Variants in CCDC141 observed in about 807,000 individuals in gnomAD.
CCDC141 encodes coiled-coil domain-containing protein 141.
CCDC141 carries 168 observed loss-of-function variants against 181.0 expected under a neutral mutation model. The ratio of observed to expected loss-of-function variants is 0.93; its 90% CI spans 0.82 to 1.05. CCDC141 has a LOEUF of 1.05. CCDC141 is among the 50% of genes least tolerant of loss of function. CCDC141 has a pLI of 0.00. For missense variants in CCDC141, 1,902 were observed against 1,788.5 expected (o/e 1.06, Z -1.14); for synonymous variants, 666 against 642.3 (o/e 1.04, Z -0.56).
At chr2:178,888,420 C>G in intron 9 of CCDC141, 107 bp downstream of exon 9, 1 of 958,950 alleles carries the variant, frequency 1.0e-6, no homozygotes, top group Non-Finnish European at 1.6e-6. Context: ...TACATAAGGG[C>G]AGCCTAAGGA....
At chr2:178,969,836 T>A (rs1363220352) in intron 4 of CCDC141, among the ~76,000 whole-genome samples, 1 of 152,226 alleles carries the variant, frequency 6.6e-6, no homozygotes, top group Non-Finnish European at 1.5e-5. Flanking sequence ...AGTCAAATTG[T>A]CTCTGTTTGC....
At chr2:179,013,068 C>A (rs953559912) in intron 2 of CCDC141, among the ~76,000 whole-genome samples, 1 of 152,074 alleles carries the variant, frequency 6.6e-6, no homozygotes, top group African/African-American at 2.4e-5. Context: ...GACAAAAATG[C>A]CCATTCTCAC....
At chr2:178,998,780 T>C (rs2154383128) in intron 2 of CCDC141, among the ~76,000 whole-genome samples, 1 of 152,276 alleles carries the variant, frequency 6.6e-6, no homozygotes, top group Non-Finnish European at 1.5e-5. Context: ...TCACGGTCTT[T>C]GATGTCTTCT....
At chr2:178,908,277 C>G (rs189485674) in intron 7 of CCDC141, among the ~76,000 whole-genome samples, 1,717 of 152,302 alleles carry the variant, frequency 0.011, 35 homozygotes, top group African/African-American at 0.039. Flanking sequence ...TCACTGCAAC[C>G]TCCGCCTCCT....
chr2:179,049,443 C>T (rs1475061958), intron 1 of CCDC141, among the ~76,000 whole-genome samples: 2 of 152,134 alleles, frequency 1.3e-5, no homozygotes, highest in Admixed American at 6.6e-5. Flanking sequence ...CCATCACATC[C>T]ACTCTCAAAA....
intron 17 of CCDC141, among the ~76,000 whole-genome samples, chr2:178,860,543 CTTTT>C (rs71023458): frequency 5.8e-5 from 3 of 51,354 alleles, no homozygotes; most frequent in African/African-American, 2.5e-4. Context: ...AAAAACAACA[CTTTT>C]TTTTTTTTTT....
intron 2 of CCDC141, 113 bp from the exon 3 acceptor site, chr2:178,978,788 T>A: frequency 1.3e-6 from 1 of 778,246 alleles, no homozygotes. Context: ...GAAACAGAAT[T>A]TATAAACACA....
intron 9 of CCDC141, 60 bp downstream of exon 9, chr2:178,888,467 C>T (rs914049863): frequency 9.4e-6 from 14 of 1,481,752 alleles, no homozygotes; most frequent in African/African-American, 1.4e-5. Flanking sequence ...CCACATACTG[C>T]CCTACCATAT....
At chr2:178,857,911 CA>C (rs1685454373) in intron 17 of CCDC141, among the ~76,000 whole-genome samples, 1 of 152,138 alleles carries the variant, frequency 6.6e-6, no homozygotes, top group African/African-American at 2.4e-5. Flanking sequence ...ATGCTTATTT[CA>C]AATTCTGCAG....
chr2:179,040,734 A>C (rs991974210), intron 2 of CCDC141, among the ~76,000 whole-genome samples: 1 of 152,230 alleles, frequency 6.6e-6, no homozygotes. Flanking sequence ...TTATGGCTAC[A>C]TCATATTCCA....
downstream of CCDC141, among the ~76,000 whole-genome samples, chr2:178,828,444 A>G (rs927676593): frequency 6.6e-6 from 1 of 152,162 alleles, no homozygotes. Context: ...AAGCATTCTT[A>G]TTTAATCTAC....
intron 2 of CCDC141, among the ~76,000 whole-genome samples, chr2:179,010,782 G>A (rs755102233): frequency 6.6e-6 from 1 of 152,036 alleles, no homozygotes; most frequent in Non-Finnish European, 1.5e-5. Context: ...AAGTACACAG[G>A]CAACAAAGAG....
intron 7 of CCDC141, among the ~76,000 whole-genome samples, chr2:178,908,269 A>T (rs1380352195): frequency 1.3e-5 from 2 of 152,100 alleles, no homozygotes; most frequent in Non-Finnish European, 2.9e-5. Context: ...ATCTCAGCTC[A>T]CTGCAACCTC....
intron 2 of CCDC141, among the ~76,000 whole-genome samples, chr2:178,986,794 A>T (rs943259617): frequency 6.6e-6 from 1 of 151,884 alleles, no homozygotes; most frequent in Non-Finnish European, 1.5e-5. Flanking sequence ...AGAACTACAA[A>T]CCGCTGCTCA....
chr2:178,909,550 T>C (rs1688129666), intron 7 of CCDC141, among the ~76,000 whole-genome samples: 1 of 152,236 alleles, frequency 6.6e-6, no homozygotes, highest in South Asian at 2.1e-4. Flanking sequence ...AAGACTGTAC[T>C]GTCTGTGATT....
At position 178,865,903 on chromosome 2, in the gene CCDC141, ACATT is replaced by A. The variant is rs1685831556; in HGVS notation, c.2584_2587del (p.Asn862PhefsTer18). On this transcript the variant is annotated frameshift_variant, in exon 17 of 24. Coordinates refer to ENST00000443758, the MANE Select transcript of CCDC141 (RefSeq NM_173648.4). LOFTEE classifies it high-confidence loss of function. ...CTGCTGCTGTAGGTTCTTTGCAGAA[ACATT>A]AGAGCAGTGCTAAAAGAGACAAATG... 4 of 1,582,908 alleles carry A rather than the reference ACATT, an allele frequency of 2.5e-6. No individual in the cohort carries two copies. The highest frequency in any genetic ancestry group is 3.4e-6 in the Non-Finnish European group (4 of 1,165,402).
intron 2 of CCDC141, among the ~76,000 whole-genome samples, chr2:179,036,744 CCTT>C (rs1269555434): frequency 6.6e-6 from 1 of 152,212 alleles, no homozygotes; most frequent in African/African-American, 2.4e-5. Flanking sequence ...GTTCCAGTCA[CCTT>C]CTTCAAAATG....
At chr2:178,855,682 T>C (rs972159881) in intron 18 of CCDC141, 141 bp from the exon 19 acceptor site, 7 of 543,704 alleles carry the variant, frequency 1.3e-5, no homozygotes, top group African/African-American at 4.0e-5. Flanking sequence ...AAATATATTA[T>C]GGTAAGAATG....
chr2:178,999,531 C>G (rs1190174141), intron 2 of CCDC141, among the ~76,000 whole-genome samples: 18 of 152,148 alleles, frequency 1.2e-4, no homozygotes, highest in Admixed American at 1.2e-3. Context: ...CACTCAGCAA[C>G]TCACGAATCT....
Sources: gnomAD v4.1 joint callset for allele counts (sites outside exome capture counted in the v4.1 genomes callset) on GRCh38, gnomAD v4.1.1 for gene constraint, MANE v1.5 for transcripts, NCBI Gene and HGNC (gene_info 2026-07-23, HGNC 2026-07-21) for gene names.